SLIT3: variants seen among roughly 807,000 people sequenced by gnomAD.
SLIT3 encodes the protein slit homolog 3 protein.
In SLIT3, 68 loss-of-function variants were observed where a neutral mutation model predicts 184.0. That is an observed-to-expected ratio of 0.37 (90% CI 0.30 to 0.45). SLIT3 has a LOEUF of 0.45. Ranked by LOEUF, SLIT3 falls within the 20% of genes least tolerant of loss-of-function variation. The pLI is 1.00. For missense variants in SLIT3, 1,707 were observed against 2,026.0 expected (o/e 0.84, Z 3.02); for synonymous variants, 831 against 828.6 (o/e 1.00, Z -0.05).
At chr5:168,700,968 G>A (rs1762196424) in intron 26 of SLIT3, among the ~76,000 whole-genome samples, 1 of 152,252 alleles carries the variant, frequency 6.6e-6, no homozygotes, top group South Asian at 2.1e-4. Context: ...CAGGGCAAGA[G>A]CCCAGGCTAT....
At chr5:168,849,774 T>C (rs1188208579) in intron 5 of SLIT3, among the ~76,000 whole-genome samples, 1 of 152,240 alleles carries the variant, frequency 6.6e-6, no homozygotes, top group Non-Finnish European at 1.5e-5. Context: ...TTCATCAATG[T>C]ACATATTTGA....
chr5:169,007,124 G>A (rs1246300099), intron 4 of SLIT3, among the ~76,000 whole-genome samples: 1 of 152,158 alleles, frequency 6.6e-6, no homozygotes, highest in Non-Finnish European at 1.5e-5. Context: ...GTTTTATAGG[G>A]CAGTTTCCCC....
chr5:168,746,991 T>TG (rs1457629722), intron 20 of SLIT3, among the ~76,000 whole-genome samples: 1 of 138,116 alleles, frequency 7.2e-6, no homozygotes, highest in African/African-American at 2.7e-5. Context: ...GGTGTGGATG[T>TG]GTGGTGTGTG....
chr5:169,219,624 G>T (rs1764557578), intron 3 of SLIT3, among the ~76,000 whole-genome samples: 1 of 152,142 alleles, frequency 6.6e-6, no homozygotes, highest in Admixed American at 6.5e-5. Context: ...TGCAGCAAGG[G>T]GCTCACCCCA....
chr5:168,936,636 C>T (rs1762168449), intron 4 of SLIT3, among the ~76,000 whole-genome samples: 1 of 152,144 alleles, frequency 6.6e-6, no homozygotes, highest in Non-Finnish European at 1.5e-5. Flanking sequence ...ATGATAAAAG[C>T]AGCTGACATT....
chr5:168,907,125 T>C (rs1581199054), intron 4 of SLIT3, among the ~76,000 whole-genome samples: 1 of 152,186 alleles, frequency 6.6e-6, no homozygotes, highest in East Asian at 1.9e-4. Flanking sequence ...CCTCCCAAAA[T>C]GTAGGGATTA....
At chr5:168,701,021 T>G (rs1762197916) in intron 26 of SLIT3, among the ~76,000 whole-genome samples, 1 of 152,222 alleles carries the variant, frequency 6.6e-6, no homozygotes, top group Admixed American at 6.5e-5. Context: ...GGTTTCACAT[T>G]CCAGCTCCAT....
chr5:169,120,469 G>A (rs1490918569), intron 4 of SLIT3: 2 of 152,164 alleles, frequency 1.3e-5, no homozygotes, highest in Admixed American at 6.5e-5. Context: ...AGGAATGTAG[G>A]TGGACTCTAG....
chr5:169,263,656 G>A (rs528719712), intron 1 of SLIT3: 78 of 507,884 alleles, frequency 1.5e-4, no homozygotes, highest in South Asian at 8.8e-4. Context: ...TTCTCTGGGC[G>A]TATCTGTGTG....
chr5:168,844,886 T>G, intron 5 of SLIT3: 1 of 480,044 alleles, frequency 2.1e-6, no homozygotes, highest in Non-Finnish European at 3.7e-6. Context: ...TCAGTAAATA[T>G]TAATTGCGCA....
chr5:168,855,014 T>A (rs1758812293), intron 5 of SLIT3, among the ~76,000 whole-genome samples: 1 of 152,210 alleles, frequency 6.6e-6, no homozygotes, highest in South Asian at 2.1e-4. Flanking sequence ...GCCAGCTTCC[T>A]TTTCTTTACT....
At chr5:169,178,515 GATTCTTC>G (rs1763051109) in intron 4 of SLIT3, among the ~76,000 whole-genome samples, 3 of 152,324 alleles carry the variant, frequency 2.0e-5, no homozygotes, top group Admixed American at 2.0e-4. Context: ...TGCGATCAGA[GATTCTTC>G]CAGCTGCTTT....
intron 1 of SLIT3, among the ~76,000 whole-genome samples, chr5:169,292,886 G>C (rs921752720): frequency 6.6e-6 from 1 of 152,252 alleles, no homozygotes; most frequent in African/African-American, 2.4e-5. Flanking sequence ...GAGATATGGG[G>C]ATGTCAGGCA....
In SLIT3 at chr5:169,293,986, C is replaced by T. The variant is rs536965922; in HGVS notation, c.197+6527G>A. ...TTCAAGGATGGAGAACAATGAAGAA[C>T]GGAGAGCACGGGGAGCTCAGCACAG... On this transcript the variant is annotated intron_variant, in intron 1 of 35. Coordinates refer to ENST00000519560, the MANE Select transcript of SLIT3 (RefSeq NM_003062.4). 7.2e-5 allele frequency among the ~76,000 whole-genome samples: 11 copies of T among 152,324 alleles called. No homozygotes were observed. The South Asian group carries it at 1.7e-3, about 23-fold the overall frequency.
At chr5:168,944,339 T>C (rs1762411747) in intron 4 of SLIT3, among the ~76,000 whole-genome samples, 1 of 151,420 alleles carries the variant, frequency 6.6e-6, no homozygotes, top group South Asian at 2.1e-4. Context: ...AGGTGGAGAG[T>C]CAGCCACTCC....
intron 4 of SLIT3, among the ~76,000 whole-genome samples, chr5:169,129,407 C>T (rs1168830419): frequency 6.6e-6 from 1 of 151,990 alleles, no homozygotes; most frequent in African/African-American, 2.4e-5. Flanking sequence ...CAAAAATAAG[C>T]CGGATGTGGT....
chr5:168,773,233 C>T (rs1395290794), intron 13 of SLIT3, among the ~76,000 whole-genome samples: 1 of 152,190 alleles, frequency 6.6e-6, no homozygotes, highest in Non-Finnish European at 1.5e-5. Context: ...CTTCTACTCT[C>T]ACCCACGCCA....
At chr5:169,184,127 CT>C (rs1176585859) in intron 4 of SLIT3, among the ~76,000 whole-genome samples, 18 of 152,168 alleles carry the variant, frequency 1.2e-4, no homozygotes, top group African/African-American at 4.3e-4. Context: ...AAATCTTTTT[CT>C]TTCAATGTTT....
intron 5 of SLIT3, among the ~76,000 whole-genome samples, chr5:168,860,135 A>G (rs186722349): frequency 6.6e-6 from 1 of 152,252 alleles, no homozygotes; most frequent in East Asian, 1.9e-4. Context: ...GTTGAAAGTG[A>G]TCTCAGAGAT....
Sources: gnomAD v4.1 joint callset for allele counts (sites outside exome capture counted in the v4.1 genomes callset) on GRCh38, gnomAD v4.1.1 for gene constraint, MANE v1.5 for transcripts, NCBI Gene and HGNC (gene_info 2026-07-23, HGNC 2026-07-21) for gene names.